Variants in PARP8 observed in about 807,000 individuals in gnomAD.
PARP8 encodes the protein poly(ADP-ribose) polymerase family member 8.
A neutral mutation model predicts 124.1 loss-of-function variants in PARP8; 51 were observed. The observed-to-expected ratio is 0.41, with a 90% CI of 0.33 to 0.52. The LOEUF is 0.52. Ranked by LOEUF, PARP8 falls within the 20% of genes least tolerant of loss-of-function variation. PARP8 has a pLI of 0.21. For synonymous variants in PARP8, 391 were observed against 361.5 expected, an observed-to-expected ratio of 1.08 and a Z score of -0.93; for missense variants, 860 against 1,018.9, an observed-to-expected ratio of 0.84 and a Z score of 2.12.
chr5:50,827,761 G>A (rs1370590065), intron 19 of PARP8, among the ~76,000 whole-genome samples, 183 bp from the exon 20 acceptor site: 2 of 152,092 alleles, frequency 1.3e-5, no homozygotes, highest in Non-Finnish European at 2.9e-5. Flanking sequence ...GCAATTCCAT[G>A]TGACTTATCA....
chr5:50,833,583 A>G (rs1747233832), intron 23 of PARP8, among the ~76,000 whole-genome samples: 1 of 151,896 alleles, frequency 6.6e-6, no homozygotes, highest in African/African-American at 2.4e-5. Flanking sequence ...ACATGATGCT[A>G]TTAAAAAAAT....
At chr5:50,757,946 T>C (rs1760142137) in intron 3 of PARP8, among the ~76,000 whole-genome samples, 3 of 152,152 alleles carry the variant, frequency 2.0e-5, no homozygotes, top group South Asian at 2.1e-4. Flanking sequence ...CTTCTAATAC[T>C]CTTTTTCTCC....
intron 12 of PARP8, 135 bp from the exon 13 acceptor site, chr5:50,796,847 C>T (rs940831028): frequency 5.4e-6 from 4 of 734,028 alleles, no homozygotes; most frequent in East Asian, 2.9e-5. Context: ...ATTTTGATGT[C>T]ATCAGTGACT....
At chr5:50,775,291 C>G (rs1391580029) in intron 7 of PARP8, among the ~76,000 whole-genome samples, 1 of 152,158 alleles carries the variant, frequency 6.6e-6, no homozygotes, top group African/African-American at 2.4e-5. Context: ...GAGTGAGACT[C>G]CATCTGCAAT....
chr5:50,813,780 G>A (rs553358832), intron 14 of PARP8, among the ~76,000 whole-genome samples: 7 of 151,858 alleles, frequency 4.6e-5, no homozygotes, highest in Non-Finnish European at 1.0e-4. Context: ...TACTGAAAAA[G>A]CAATGTCTAT....
intron 2 of PARP8, among the ~76,000 whole-genome samples, chr5:50,693,718 A>G (rs1439039727): frequency 6.6e-6 from 1 of 151,588 alleles, no homozygotes. Context: ...TGAATTATAT[A>G]ATGTAATCGT....
At chr5:50,840,036 G>A (rs1428621835) in intron 25 of PARP8, among the ~76,000 whole-genome samples, 4 of 151,812 alleles carry the variant, frequency 2.6e-5, no homozygotes, top group African/African-American at 7.3e-5. Context: ...GATCTTGTAG[G>A]ACAGATGATG....
chr5:50,834,093 C>A lies in PARP8; in HGVS notation c.2377+45C>A. On this transcript the variant is annotated intron_variant, in intron 24 of 25. Coordinates refer to ENST00000281631, the MANE Select transcript of PARP8 (RefSeq NM_024615.4). ...AACCTCATAGTGTTAGTTCCTAGCT[C>A]ATCTATAATTAAAAATATAAGTATA... 2.8e-6 allele frequency: 4 copies of A among 1,406,260 alleles called. No homozygotes were observed. In the South Asian group the frequency reaches 3.6e-5, roughly 12 times the overall value. 87.1% of individuals were successfully genotyped at this position (1,406,260 alleles called of 1,614,324 possible).
intron 7 of PARP8, among the ~76,000 whole-genome samples, chr5:50,775,504 G>A (rs866267615): frequency 2.0e-5 from 3 of 152,168 alleles, no homozygotes; most frequent in Admixed American, 6.5e-5. Context: ...GCGGCGAGCC[G>A]AGATCAAGGC....
At chr5:50,667,969 G>T (rs1749548124) in intron 1 of PARP8, 102 bp from the exon 2 acceptor site, 3 of 1,600,390 alleles carry the variant, frequency 1.9e-6, no homozygotes, top group Non-Finnish European at 1.7e-6. Context: ...CTTCTGCCCG[G>T]CCAGGCCTCC....
rs534547695 is a variant in PARP8 at position 50,735,118 on chromosome 5, A to G, written c.147-15033A>G. 9.2e-5 allele frequency among the ~76,000 whole-genome samples: 14 copies of G among 152,212 alleles called. No individual in the cohort carries two copies. The East Asian group carries it at 2.3e-3, about 25-fold the overall frequency. On this transcript the variant is annotated intron_variant, in intron 2 of 25. Coordinates refer to ENST00000281631, the MANE Select transcript of PARP8 (RefSeq NM_024615.4). The stretch of plus-strand genomic sequence containing the variant: ...TTCTCTTGTGTGTTAGTACTGTACT[A>G]TAATAGGATTCTGGTGTACTTTTGT...
At chr5:50,788,913 A>G (rs1489019128) in intron 10 of PARP8, among the ~76,000 whole-genome samples, 6 of 152,244 alleles carry the variant, frequency 3.9e-5, no homozygotes, top group Admixed American at 3.3e-4. Flanking sequence ...GAAGGAGAGT[A>G]AGATGGAAGT....
chr5:50,838,175 A>G (rs1348725524), intron 25 of PARP8, among the ~76,000 whole-genome samples: 1 of 152,090 alleles, frequency 6.6e-6, no homozygotes, highest in Non-Finnish European at 1.5e-5. Flanking sequence ...CCTGGCCAAC[A>G]TCTCACCTTC....
At chr5:50,669,357 A>G (rs770945118) in intron 2 of PARP8, 1 of 152,232 alleles carries the variant, frequency 6.6e-6, no homozygotes, top group Non-Finnish European at 1.5e-5. Context: ...TTATATCTAA[A>G]GGATCTTCGT....
chr5:50,797,099 G>A, intron 13 of PARP8, 39 bp from the exon 14 acceptor site: 2 of 1,608,454 alleles, frequency 1.2e-6, no homozygotes, highest in Non-Finnish European at 1.7e-6. Flanking sequence ...AATCATTTAT[G>A]AGCTTGTCTT....
At chr5:50,767,857 C>CA (rs1761208543) in intron 7 of PARP8, among the ~76,000 whole-genome samples, 1 of 152,146 alleles carries the variant, frequency 6.6e-6, no homozygotes. Context: ...TTTCAGATGA[C>CA]ATGGGAAGGT....
chr5:50,773,005 C>T (rs977118396), intron 7 of PARP8, among the ~76,000 whole-genome samples: 1 of 152,114 alleles, frequency 6.6e-6, no homozygotes, highest in African/African-American at 2.4e-5. Context: ...GACTTTTGCC[C>T]CTTTTAAAGT....
chr5:50,762,477 T>A (rs547810657), intron 6 of PARP8, among the ~76,000 whole-genome samples: 2 of 152,258 alleles, frequency 1.3e-5, no homozygotes, highest in East Asian at 1.9e-4. Flanking sequence ...AGCAATTGAT[T>A]TTAGGGTGTG....
At chr5:50,708,295 A>C (rs2149485164) in intron 2 of PARP8, among the ~76,000 whole-genome samples, 1 of 152,188 alleles carries the variant, frequency 6.6e-6, no homozygotes, top group African/African-American at 2.4e-5. Context: ...AGTATGATGC[A>C]CATCTGTTGT....
Sources: gnomAD v4.1 joint callset for allele counts (sites outside exome capture counted in the v4.1 genomes callset) on GRCh38, gnomAD v4.1.1 for gene constraint, MANE v1.5 for transcripts, NCBI Gene and HGNC (gene_info 2026-07-23, HGNC 2026-07-21) for gene names.